FAT4: variants seen among roughly 807,000 people sequenced by gnomAD.
FAT4 encodes FAT atypical cadherin 4.
A neutral mutation model predicts 303.9 loss-of-function variants in FAT4; 84 were observed. The observed-to-expected ratio is 0.28, with a 90% CI of 0.23 to 0.33. The LOEUF is 0.33. Among genes scored for constraint, FAT4 ranks in the 10% least tolerant of loss-of-function variants. The pLI, the probability that FAT4 is intolerant of heterozygous loss-of-function variation, is 1.00. For synonymous variants in FAT4, 2,307 were observed against 2,298.8 expected, an observed-to-expected ratio of 1.00 and a Z score of -0.10; for missense variants, 6,005 against 6,146.8, an observed-to-expected ratio of 0.98 and a Z score of 0.77.
rs1372368646 is a variant in FAT4 at position 125,491,533 on chromosome 4, G to A, written c.14717G>A (p.Gly4906Asp). Residue 4906 changes from glycine to aspartate, a missense_variant, in exon 18 of 18, where the codon GGC (glycine) becomes GAC (aspartate). Gly to Asp is a moderately conservative substitution (Grantham distance 94). Transcript: ENST00000394329. The part of the protein sequence containing the change: ...HGRRAEGGPV[G>D]TQAAAPGTAD... ...CGCAGGGCCGAGGGAGGACCTGTGG[G>A]CACCCAGGCAGCAGCACCAGGCACT... 2 of 1,614,038 alleles carry A rather than the reference G, an allele frequency of 1.2e-6. No individual in the cohort carries two copies. Among genetic ancestry groups the A allele is most frequent in the South Asian group, 1.1e-5 (1 of 91,096 alleles).
chr4:125,492,477 G>T lies in FAT4; in HGVS notation c.*709G>T, dbSNP rs1727686752. Reference sequence around the variant, plus strand: ...GATTGCATGTTGTCCCCAGAACACTGCCACCTTGCTATGCGAATGATGTTC... The same window carrying T: ...GATTGCATGTTGTCCCCAGAACACTTCCACCTTGCTATGCGAATGATGTTC... On this transcript the variant is annotated 3_prime_UTR_variant, in exon 18 of 18. Transcript: ENST00000394329. 1 of 152,172 alleles carries T rather than the reference G, an allele frequency of 6.6e-6. No individual in the cohort carries two copies. The highest frequency in any genetic ancestry group is 2.4e-5 in the African/African-American group (1 of 41,436). The allele number at this position is 152,172 out of a possible 1,614,324, so 9.4% of individuals were successfully genotyped here. A position where few individuals can be genotyped will look rare whatever the true frequency, so the allele number is the denominator to read the frequency against.
intron 8 of FAT4, among the ~76,000 whole-genome samples, chr4:125,439,135 T>A (rs1044104695): frequency 6.6e-6 from 1 of 152,178 alleles, no homozygotes; most frequent in Non-Finnish European, 1.5e-5. Context: ...GTATTAATTC[T>A]TAGTCTTTCT....
chr4:125,363,145 T>G (rs1172781421), intron 2 of FAT4, among the ~76,000 whole-genome samples: 1 of 152,122 alleles, frequency 6.6e-6, no homozygotes, highest in Non-Finnish European at 1.5e-5. Flanking sequence ...CAAGGCAAAC[T>G]ATGTACATAT....
In FAT4 at chr4:125,452,442, G is replaced by A. The variant is rs1433853380; in HGVS notation, c.11432G>A (p.Gly3811Asp). 1 of 1,614,004 alleles carries A rather than the reference G, an allele frequency of 6.2e-7. No individual in the cohort carries two copies. Among genetic ancestry groups the A allele is most frequent in the Non-Finnish European group, 8.5e-7 (1 of 1,180,030 alleles). The change falls in exon 10 of 18, where the codon GGC becomes GAC. Residue 3811 changes from glycine to aspartate, a missense_variant. Transcript: ENST00000394329. ...GTGGATCATGACTCCTGTGTGCATG[G>A]CCCATGTCAGAATGGAGGGAGCTGT... is the stretch of plus-strand genomic sequence containing the variant. ...ESVDHDSCVH[G>D]PCQNGGSCLR...
At chr4:125,466,967 C>T (rs1000620800) in intron 11 of FAT4, among the ~76,000 whole-genome samples, 6 of 151,584 alleles carry the variant, frequency 4.0e-5, no homozygotes, top group Non-Finnish European at 8.8e-5. Flanking sequence ...TTAGTAGAAA[C>T]GGGGTTTCAC....
intron 2 of FAT4, among the ~76,000 whole-genome samples, chr4:125,387,102 C>G (rs1044974474): frequency 1.3e-5 from 2 of 152,182 alleles, no homozygotes; most frequent in Non-Finnish European, 2.9e-5. Context: ...CTCACTTGCC[C>G]GCCCCTCACC....
intron 7 of FAT4, among the ~76,000 whole-genome samples, chr4:125,426,264 T>C (rs1472392487): frequency 6.6e-6 from 1 of 152,140 alleles, no homozygotes; most frequent in African/African-American, 2.4e-5. Flanking sequence ...ATAGAAAAGT[T>C]TGCCTTGTCT....
chr4:125,452,917 T>A (rs1489569479), intron 10 of FAT4, 107 bp downstream of exon 10: 1 of 1,326,648 alleles, frequency 7.5e-7, no homozygotes, highest in Non-Finnish European at 1.0e-6. Flanking sequence ...ATGAGCATAA[T>A]AGTAACAAAT....
intron 8 of FAT4, among the ~76,000 whole-genome samples, chr4:125,440,610 T>TGTGAGACA (rs372756130): frequency 9.2e-5 from 7 of 75,728 alleles, no homozygotes; most frequent in Non-Finnish European, 1.6e-4. Context: ...TGTGTGTGTG[T>TGTGAGACA]GAGAGAGAGA....
Position 125,448,462 on chromosome 4 carries a change from T to C in FAT4, c.7452T>C (p.Gly2484=), listed in dbSNP as rs200513521. The change falls in exon 10 of 18, where the codon GGT becomes GGC. Residue 2484 remains glycine (G), a splice_region_variant and synonymous_variant. Coordinates refer to ENST00000394329, the MANE Select transcript of FAT4 (RefSeq NM_001291303.3). The stretch of plus-strand genomic sequence containing the variant: ...AACTGCACACTTTCTCTTTTATAGG[T>C]TCCTTTGTCTTTGCGGTTACAGTCA... The part of the protein sequence containing the change: ...VTHIPSPTLP[G]SFVFAVTVTD... 501 of 1,589,674 alleles carry C rather than the reference T, an allele frequency of 3.2e-4. 2 individuals carry two copies. Among genetic ancestry groups the C allele is most frequent in the Non-Finnish European group, 3.5e-4 (415 of 1,169,726 alleles).
chr4:125,388,895 C>A (rs997644216), intron 2 of FAT4, among the ~76,000 whole-genome samples: 4 of 152,156 alleles, frequency 2.6e-5, no homozygotes, highest in African/African-American at 9.7e-5. Flanking sequence ...TCCAAGCCTG[C>A]CTGTTATTCA....
chr4:125,323,244 G>A (rs1578521400), intron 2 of FAT4, among the ~76,000 whole-genome samples: 1 of 152,148 alleles, frequency 6.6e-6, no homozygotes, highest in Non-Finnish European at 1.5e-5. Context: ...TGGAGAATGA[G>A]AATAAATGCT....
chr4:125,402,519 T>C (rs1472091461), intron 3 of FAT4, among the ~76,000 whole-genome samples: 1 of 152,048 alleles, frequency 6.6e-6, no homozygotes, highest in African/African-American at 2.4e-5. Flanking sequence ...GGTAATGTCT[T>C]AGACTCAGCT....
At chr4:125,471,154 G>A (rs1043029555) in intron 12 of FAT4, among the ~76,000 whole-genome samples, 77 of 152,174 alleles carry the variant, frequency 5.1e-4, no homozygotes, top group African/African-American at 1.5e-3. Context: ...GCTTGCCATC[G>A]TATATGGCAC....
At chr4:125,394,924 ACTTGT>A (rs561807988) in intron 2 of FAT4, among the ~76,000 whole-genome samples, 21 of 152,154 alleles carry the variant, frequency 1.4e-4, no homozygotes, top group Non-Finnish European at 2.9e-4. Context: ...AGGGATGCTG[ACTTGT>A]CTTATTTTCT....
At chr4:125,422,123 A>G (rs1724923937) in intron 7 of FAT4, among the ~76,000 whole-genome samples, 1 of 152,176 alleles carries the variant, frequency 6.6e-6, no homozygotes, top group Admixed American at 6.5e-5. Context: ...AGTAATTTCA[A>G]TATTGGTATT....
chr4:125,481,866 T>C, intron 16 of FAT4, 128 bp downstream of exon 16: 2 of 730,130 alleles, frequency 2.7e-6, no homozygotes, highest in Non-Finnish European at 4.5e-6. Flanking sequence ...TGCTGGGCAC[T>C]ATTCCAATGT....
chr4:125,481,838 C>G (rs942220314), intron 16 of FAT4, 100 bp downstream of exon 16: 3 of 1,009,184 alleles, frequency 3.0e-6, no homozygotes, highest in Admixed American at 4.2e-5. Context: ...CTTTACAACC[C>G]ATTAGAGTTC....
chr4:125,436,193 T>A (rs1418025844), intron 8 of FAT4, among the ~76,000 whole-genome samples: 2 of 148,566 alleles, frequency 1.3e-5, no homozygotes. Context: ...AGTATAATAA[T>A]AAAAAAAAAA....
Sources: allele counts gnomAD v4.1 joint callset (sites outside exome capture counted in the v4.1 genomes callset), GRCh38; gene constraint gnomAD v4.1.1; transcripts MANE v1.5; gene names NCBI Gene and HGNC (gene_info 2026-07-23, HGNC 2026-07-21).